EFR3B: variants seen among roughly 807,000 people sequenced by gnomAD.
EFR3B encodes protein EFR3 homolog B.
A neutral mutation model predicts 104.7 loss-of-function variants in EFR3B; 64 were observed. That is an observed-to-expected ratio of 0.61 (90% CI 0.50 to 0.75). The LOEUF (loss-of-function observed/expected upper bound fraction) is 0.75. Ranked by LOEUF, EFR3B falls within the 30% of genes least tolerant of loss-of-function variation. The pLI is 0.00. For missense variants in EFR3B, 750 were observed against 1,078.5 expected, an observed-to-expected ratio of 0.70 and a Z score of 4.27; for synonymous variants, 385 against 417.9, an observed-to-expected ratio of 0.92 and a Z score of 0.96.
In EFR3B at chr2:25,063,829, C is replaced by T. The variant is rs549481342; in HGVS notation, c.7+21510C>T. ...GGGTCTGCATTGGAGGAAGGGTTCT[C>T]CACTCCTCATTTAGAGCTTTTCAGG... On this transcript the variant is annotated intron_variant, in intron 1 of 22. Coordinates refer to ENST00000403714, the MANE Select transcript of EFR3B (RefSeq NM_014971.2). Among the ~76,000 whole-genome samples, 42 of 152,326 alleles carry T rather than the reference C, an allele frequency of 2.8e-4. No homozygotes were observed. In the East Asian group the frequency reaches 7.9e-3, roughly 29 times the overall value.
rs1668752072 is a variant in EFR3B at position 25,080,131 on chromosome 2, A to G, written c.8-11194A>G. On this transcript the variant is annotated intron_variant, in intron 1 of 22. Coordinates refer to ENST00000403714, the MANE Select transcript of EFR3B (RefSeq NM_014971.2). ...TACTGCCGTGACTATACCCTGTGCAATAACATCACAGTGCATGATTCTTCA... is the reference window on the plus strand; with the variant it reads ...TACTGCCGTGACTATACCCTGTGCAGTAACATCACAGTGCATGATTCTTCA... 4 of 1,121,634 alleles carry G rather than the reference A, an allele frequency of 3.6e-6. No homozygotes were observed. The South Asian group carries it at 3.7e-5, about 10-fold the overall frequency. 69.5% of individuals were successfully genotyped at this position (1,121,634 alleles called of 1,614,324 possible).
intron 1 of EFR3B, among the ~76,000 whole-genome samples, chr2:25,052,762 C>T (rs1667913193): frequency 6.6e-6 from 1 of 151,500 alleles, no homozygotes; most frequent in Admixed American, 6.6e-5. Context: ...CTTGGCCTCC[C>T]AAAGTGCTGG....
At chr2:25,151,007 C>G (rs953331406) in intron 20 of EFR3B, among the ~76,000 whole-genome samples, 31 of 151,614 alleles carry the variant, frequency 2.0e-4, no homozygotes, top group Non-Finnish European at 4.1e-4. Context: ...ATCCCTTGAG[C>G]CCAGAAGTTT....
At position 25,130,173 on chromosome 2, in the gene EFR3B, C is replaced by A; in HGVS notation, c.770+64C>A. ...GCCTGGATGTGTTTCAGGTCCCTGGCATCTCCTGGCTGGCTGGGGGGAAGG... is the reference window on the plus strand; with the variant it reads ...GCCTGGATGTGTTTCAGGTCCCTGGAATCTCCTGGCTGGCTGGGGGGAAGG... On this transcript the variant is annotated intron_variant, in intron 7 of 22. Transcript: ENST00000403714. The surrounding 1 kb of genome is among the most constrained non-coding windows in gnomAD (Gnocchi z 4.6). 1 of 1,545,582 alleles carries A rather than the reference C, an allele frequency of 6.5e-7. No individual in the cohort carries two copies.
chr2:25,118,340 G>A (rs879303257), intron 4 of EFR3B, among the ~76,000 whole-genome samples: 7 of 152,156 alleles, frequency 4.6e-5, no homozygotes, highest in South Asian at 4.1e-4. Context: ...GTCTTTCTGC[G>A]TCTGATTTGT....
chr2:25,115,348 C>T (rs1669829513), intron 4 of EFR3B, among the ~76,000 whole-genome samples: 1 of 152,172 alleles, frequency 6.6e-6, no homozygotes, highest in Admixed American at 6.5e-5. Flanking sequence ...TCATGCGACC[C>T]AGTGTGAGAA....
intron 1 of EFR3B, among the ~76,000 whole-genome samples, chr2:25,076,348 A>G (rs1573184198): frequency 6.6e-6 from 1 of 152,230 alleles, no homozygotes; most frequent in African/African-American, 2.4e-5. Flanking sequence ...AATAATTATC[A>G]TAGTAATACT....
chr2:25,123,979 A>G lies in EFR3B; in HGVS notation c.485+2185A>G, dbSNP rs117248399. Among the ~76,000 whole-genome samples, 3,388 of 152,316 alleles carry G rather than the reference A, an allele frequency of 0.022. 305 individuals carry two copies. In the East Asian group the frequency reaches 0.3, roughly 14 times the overall value. ...ACCCACAGGCTGGCGCTGGTCACCCATGACAGGAAGGCCTGTGGGTGAGAG... is the reference window on the plus strand; with the variant it reads ...ACCCACAGGCTGGCGCTGGTCACCCGTGACAGGAAGGCCTGTGGGTGAGAG... On this transcript the variant is annotated intron_variant, in intron 5 of 22. Transcript: ENST00000403714.
chr2:25,086,777 G>A (rs1249998985), intron 1 of EFR3B, among the ~76,000 whole-genome samples: 1 of 152,114 alleles, frequency 6.6e-6, no homozygotes, highest in African/African-American at 2.4e-5. Flanking sequence ...ATCTTTAGTA[G>A]AGGCAGGATT....
intron 15 of EFR3B, among the ~76,000 whole-genome samples, 186 bp from the exon 16 acceptor site, chr2:25,138,873 C>T (rs934429454): frequency 6.6e-6 from 1 of 152,162 alleles, no homozygotes; most frequent in Non-Finnish European, 1.5e-5. Flanking sequence ...TTCTAGGGAC[C>T]CCTCCCTTCA....
intron 1 of EFR3B, among the ~76,000 whole-genome samples, chr2:25,053,431 C>A (rs1667934900): frequency 6.6e-6 from 1 of 152,302 alleles, no homozygotes; most frequent in African/African-American, 2.4e-5. Flanking sequence ...CTTTCAGAGA[C>A]AGGCAGACTG....
At chr2:25,132,792 T>A in intron 10 of EFR3B, 111 bp from the exon 11 acceptor site, 1 of 863,164 alleles carries the variant, frequency 1.2e-6, no homozygotes, top group Non-Finnish European at 1.8e-6. Context: ...TCTCTGGTCC[T>A]GGATTGACTC....
At chr2:25,091,097 A>T (rs1038723843) in intron 1 of EFR3B, among the ~76,000 whole-genome samples, 1 of 150,500 alleles carries the variant, frequency 6.6e-6, no homozygotes, top group African/African-American at 2.5e-5. Flanking sequence ...AGCAAAAGAC[A>T]TGAAGGTGCC....
chr2:25,134,385 G>C (rs1670464878), intron 12 of EFR3B, among the ~76,000 whole-genome samples: 1 of 152,098 alleles, frequency 6.6e-6, no homozygotes. Context: ...GGCCAGGCTG[G>C]TCTTGAACTC....
chr2:25,046,128 G>A (rs551330741), intron 1 of EFR3B, among the ~76,000 whole-genome samples: 1 of 152,308 alleles, frequency 6.6e-6, no homozygotes, highest in African/African-American at 2.4e-5. Flanking sequence ...GCTCACGCCT[G>A]TAATCCCAGC....
At position 25,131,279 on chromosome 2, in the gene EFR3B, A is replaced by C. The variant is rs1573225578; in HGVS notation, c.850-89A>C. 6.7e-7 allele frequency: 1 copy of C among 1,490,622 alleles called. No individual in the cohort carries two copies. Among genetic ancestry groups the C allele is most frequent in the Non-Finnish European group, 9.0e-7 (1 of 1,114,240 alleles). The allele number at this position is 1,490,622 out of a possible 1,614,324, so 92.3% of individuals were successfully genotyped here. ...GGGCCTTGGAACGTCCCTTTAGTTT[A>C]CCCCCGCCTTTGGGTGCCAGGAGAG... is the stretch of plus-strand genomic sequence containing the variant. On this transcript the variant is annotated intron_variant, in intron 8 of 22. Transcript: ENST00000403714. This position sits in a 1 kb window ranked among gnomAD's most constrained non-coding sequence, Gnocchi z 7.6.
chr2:25,096,831 G>A (rs1006185838), intron 3 of EFR3B, among the ~76,000 whole-genome samples: 2 of 152,178 alleles, frequency 1.3e-5, no homozygotes, highest in African/African-American at 4.8e-5. Flanking sequence ...GGTCTAGAAA[G>A]CACAGGCCTC....
intron 1 of EFR3B, among the ~76,000 whole-genome samples, chr2:25,070,367 T>G (rs971997122): frequency 1.3e-5 from 2 of 152,098 alleles, no homozygotes; most frequent in Admixed American, 6.5e-5. Context: ...GTTCAAGCAA[T>G]TCTCCCACCT....
In EFR3B at chr2:25,137,454, T is replaced by A; in HGVS notation, c.1674T>A (p.Ala558=). 3 of 1,551,746 alleles carry A rather than the reference T, an allele frequency of 1.9e-6. No individual in the cohort carries two copies. The highest frequency in any genetic ancestry group is 2.6e-6 in the Non-Finnish European group (3 of 1,146,996). ...GLLALISIEL[A]NEEVVVDLIR... is the part of the protein sequence containing the mutation. The stretch of plus-strand genomic sequence containing the variant: ...TGGCCCTCATCAGCATCGAGCTGGC[T>A]AACGAGGAGGTGGTGGTGGACCTCA... The change falls in exon 15 of 23, where the codon GCT becomes GCA. Residue 558 remains alanine (A), a synonymous_variant. Transcript: ENST00000403714. The surrounding 1 kb of genome is among the most constrained non-coding windows in gnomAD (Gnocchi z 4.7).
Sources: allele counts gnomAD v4.1 joint callset (sites outside exome capture counted in the v4.1 genomes callset), GRCh38; gene constraint gnomAD v4.1.1; non-coding constraint Gnocchi (gnomAD v3.1); transcripts MANE v1.5; gene names NCBI Gene and HGNC (gene_info 2026-07-23, HGNC 2026-07-21).